Variants in EOGT observed in about 807,000 individuals in gnomAD.
EOGT encodes EGF domain-specific O-linked N-acetylglucosamine transferase.
A neutral mutation model predicts 70.5 loss-of-function variants in EOGT; 55 were observed. That is an observed-to-expected ratio of 0.78 (90% CI 0.63 to 0.98). The LOEUF is 0.98. Among genes scored for constraint, EOGT ranks in the 50% least tolerant of loss-of-function variants. The probability of loss-of-function intolerance (pLI) is 0.00; values close to 1 mark genes in which losing one functional copy is unlikely to be tolerated. For missense variants in EOGT, 703 were observed against 641.9 expected, an observed-to-expected ratio of 1.10 and a Z score of -1.03; for synonymous variants, 246 against 217.1, an observed-to-expected ratio of 1.13 and a Z score of -1.17.
In EOGT at chr3:69,010,005, T is replaced by C. The variant is rs911077719; in HGVS notation, c.-14-145A>G. ...AGCACTTTGCTATCCCACTGAATAA[T>C]GATCCTTTATTCAATTTTTTTTGAG... is the stretch of plus-strand genomic sequence containing the variant. On this transcript the variant is annotated intron_variant, in intron 3 of 17. Coordinates refer to ENST00000383701, the MANE Select transcript of EOGT (RefSeq NM_001278689.2). The C allele has an allele frequency of 1.1e-5, 7 of 659,588 alleles. No homozygotes were observed. In the South Asian group the frequency reaches 1.2e-4, roughly 11 times the overall value. 40.9% of individuals were successfully genotyped at this position (659,588 alleles called of 1,614,324 possible).
rs1300867074 is a variant in EOGT, at chr3:68,975,989, GACT to G, written c.*1626_*1628del. 6.6e-6 allele frequency: 1 copy of G among 152,130 alleles called. No homozygotes were observed. The allele number at this position is 152,130 out of a possible 1,614,324, so 9.4% of individuals were successfully genotyped here. On this transcript the variant is annotated 3_prime_UTR_variant, in exon 18 of 18. Transcript: ENST00000383701. ...ATAGAAGTAACTAGTCTCTAAATCA[GACT>G]ACTCAAGTGTTAATAAAATGTAAAC... is the stretch of plus-strand genomic sequence containing the variant.
intron 9 of EOGT, among the ~76,000 whole-genome samples, chr3:68,999,578 ACT>A (rs1169701457): frequency 5.9e-5 from 9 of 152,068 alleles, no homozygotes; most frequent in Admixed American, 5.9e-4. Context: ...GTATAAAAAT[ACT>A]CTGTTTTTTT....
At chr3:68,992,767 C>G (rs1351158332) in intron 10 of EOGT, among the ~76,000 whole-genome samples, 1 of 152,252 alleles carries the variant, frequency 6.6e-6, no homozygotes, top group Non-Finnish European at 1.5e-5. Flanking sequence ...AAACTTCTGC[C>G]AGGGCATCTA....
At chr3:68,989,625 A>G (rs7652918) in intron 10 of EOGT, among the ~76,000 whole-genome samples, 124,811 of 151,322 alleles carry the variant, frequency 0.82, 51,649 homozygotes, top group Admixed American at 0.86. Context: ...GCATGTGCTT[A>G]TAATCCCAGC....
intron 14 of EOGT, among the ~76,000 whole-genome samples, chr3:68,984,285 C>T (rs2090739857): frequency 6.6e-6 from 1 of 152,032 alleles, no homozygotes; most frequent in Admixed American, 6.6e-5. Context: ...CAGACAGCCA[C>T]TGAAATCTTA....
chr3:68,978,254 A>C, intron 17 of EOGT, 79 bp downstream of exon 17: 1 of 1,026,514 alleles, frequency 9.7e-7, no homozygotes, highest in Middle Eastern at 2.1e-4. Context: ...GAAGTTCAAT[A>C]ACCATTTTTC....
At chr3:68,981,842 TCAAA>T (rs1344088685) in intron 15 of EOGT, among the ~76,000 whole-genome samples, 3 of 152,082 alleles carry the variant, frequency 2.0e-5, no homozygotes, top group Admixed American at 1.3e-4. Flanking sequence ...TTTTTTGTTA[TCAAA>T]CATTTGATAA....
chr3:68,990,231 C>T (rs2090951457), intron 10 of EOGT, among the ~76,000 whole-genome samples: 1 of 152,046 alleles, frequency 6.6e-6, no homozygotes, highest in African/African-American at 2.4e-5. Flanking sequence ...AGTCATTTGC[C>T]TACATTGCGA....
rs778701502 is a variant in EOGT at position 68,998,121 on chromosome 3, T to C, written c.728-7A>G. 2.4e-5 allele frequency: 35 copies of C among 1,485,032 alleles called. No homozygotes were observed. Among genetic ancestry groups the C allele is most frequent in the Non-Finnish European group, 3.0e-5 (32 of 1,073,644 alleles). The allele number at this position is 1,485,032 out of a possible 1,614,324, so 92.0% of individuals were successfully genotyped here. On this transcript the variant is annotated splice_polypyrimidine_tract_variant and splice_region_variant and intron_variant, in intron 9 of 17. Transcript: ENST00000383701. Reference sequence around the variant, plus strand: ...TGGTGATACATGTTAACACCTAGTGTTGGAAAATGAAACTACATTAATTAA... The same window carrying C: ...TGGTGATACATGTTAACACCTAGTGCTGGAAAATGAAACTACATTAATTAA...
chr3:68,992,460 C>A (rs928172882), intron 10 of EOGT, among the ~76,000 whole-genome samples: 1 of 152,224 alleles, frequency 6.6e-6, no homozygotes, highest in Non-Finnish European at 1.5e-5. Context: ...CCAGGTTACA[C>A]TGAAGCATGA....
chr3:68,990,855 T>C (rs1374601440), intron 10 of EOGT, among the ~76,000 whole-genome samples: 1 of 151,828 alleles, frequency 6.6e-6, no homozygotes, highest in Admixed American at 6.6e-5. Context: ...AATTTTATGT[T>C]GCACATATTA....
chr3:69,013,352 AGGGGCCGGGCGCCC>A (rs1378318704), intron 1 of EOGT, among the ~76,000 whole-genome samples: 1 of 151,136 alleles, frequency 6.6e-6, no homozygotes, highest in East Asian at 2.0e-4. Flanking sequence ...GGCGCTGGGA[AGGGGCCGGGCGCCC>A]GGGGCCGGGG....
Position 69,007,751 on chromosome 3 carries a change from G to T in EOGT, c.382C>A (p.Leu128Met), listed in dbSNP as rs2107386731. Residue 128 changes from leucine to methionine, a missense_variant, in exon 6 of 18, where the codon CTG (leucine) becomes ATG (methionine). Coordinates refer to ENST00000383701, the MANE Select transcript of EOGT (RefSeq NM_001278689.2). ...QADFGYARERLEEMHVLCQPK... is the reference protein window; with the variant it reads ...QADFGYARERMEEMHVLCQPK... ...TGACAGAGCACATGCATCTCCTCCA[G>T]CCTCTCTCTGGCATATCCAAAGTCA... 6.2e-7 allele frequency: 1 copy of T among 1,613,138 alleles called. No individual in the cohort carries two copies.
At chr3:68,984,094 G>C (rs548666764) in intron 14 of EOGT, among the ~76,000 whole-genome samples, 10 of 152,314 alleles carry the variant, frequency 6.6e-5, no homozygotes, top group Admixed American at 2.0e-4. Flanking sequence ...CAAATGCACA[G>C]CCAAAAATAA....
At chr3:69,000,444 A>G (rs776261752) in intron 9 of EOGT, among the ~76,000 whole-genome samples, 9 of 152,216 alleles carry the variant, frequency 5.9e-5, no homozygotes, top group Non-Finnish European at 1.3e-4. Flanking sequence ...TGCATGTTTT[A>G]AAAACGAGTC....
intron 14 of EOGT, among the ~76,000 whole-genome samples, chr3:68,984,233 A>G (rs571112135): frequency 6.6e-6 from 1 of 152,166 alleles, no homozygotes; most frequent in African/African-American, 2.4e-5. Context: ...ACACTCACAC[A>G]CACACACACG....
chr3:68,975,884 T>C lies in EOGT; in HGVS notation c.*1734A>G, dbSNP rs377502645. On this transcript the variant is annotated 3_prime_UTR_variant, in exon 18 of 18. Transcript: ENST00000383701. ...TTTGTTTTGTGTGTCATTTTTCTGATGGATATTTTTTACAACTGTAAAATA... is the reference window on the plus strand; with the variant it reads ...TTTGTTTTGTGTGTCATTTTTCTGACGGATATTTTTTACAACTGTAAAATA... The C allele has an allele frequency of 7.2e-5, 11 of 152,348 alleles. No homozygotes were observed. The East Asian group carries it at 1.7e-3, about 24-fold the overall frequency. The allele number at this position is 152,348 out of a possible 1,614,324, so 9.4% of individuals were successfully genotyped here.
Position 69,005,191 on chromosome 3 carries a change from C to T in EOGT, c.464G>A (p.Arg155Lys). 6.2e-7 allele frequency: 1 copy of T among 1,606,582 alleles called. No homozygotes were observed. Among genetic ancestry groups the T allele is most frequent in the East Asian group, 2.2e-5 (1 of 44,800 alleles). The stretch of plus-strand genomic sequence containing the variant: ...TAAATCAAGATAGAGATTGGTTGCT[C>T]TGCAGTACTGAAGATAACGGGAACA... Reference protein sequence around the residue: ...LVCSRYLQYCRATNLYLDLRN... With the variant: ...LVCSRYLQYCKATNLYLDLRN... Residue 155 changes from arginine (R) to lysine (K), a missense_variant, in exon 7 of 18, where the codon AGA becomes AAA. Arg to Lys is a conservative substitution (Grantham distance 26, BLOSUM62 2). Coordinates refer to ENST00000383701, the MANE Select transcript of EOGT (RefSeq NM_001278689.2).
intron 3 of EOGT, among the ~76,000 whole-genome samples, chr3:69,011,570 G>C (rs1241442351): frequency 6.9e-6 from 1 of 144,534 alleles, no homozygotes; most frequent in Non-Finnish European, 1.5e-5. Flanking sequence ...ACTCCAGCCT[G>C]GGTAATGCGA....
Sources: allele counts gnomAD v4.1 joint callset (sites outside exome capture counted in the v4.1 genomes callset), GRCh38; gene constraint gnomAD v4.1.1; transcripts MANE v1.5; gene names NCBI Gene and HGNC (gene_info 2026-07-23, HGNC 2026-07-21).